The following AGBL4 variants were observed in gnomAD, a reference collection of about 807,000 sequenced individuals.
AGBL4 encodes AGBL carboxypeptidase 4.
Under a neutral mutation model 66.4 loss-of-function variants are expected in AGBL4, and 58 were observed. The ratio of observed to expected loss-of-function variants is 0.87; its 90% CI spans 0.71 to 1.09. The LOEUF is 1.09. Ranked by LOEUF, AGBL4 falls within the 50% of genes least tolerant of loss-of-function variation. AGBL4 has a pLI of 0.00. For missense variants in AGBL4, 579 were observed against 631.0 expected (o/e 0.92, Z 0.88); for synonymous variants, 234 against 222.9 (o/e 1.05, Z -0.44).
chr1:48,547,701 C>CT (rs1305279463), intron 11 of AGBL4, among the ~76,000 whole-genome samples: 1 of 152,138 alleles, frequency 6.6e-6, no homozygotes, highest in Middle Eastern at 3.2e-3. Context: ...CTGCTCAGGT[C>CT]TCCACCTCTT....
chr1:48,815,332 A>G (rs1482848645), intron 6 of AGBL4, among the ~76,000 whole-genome samples: 2 of 152,110 alleles, frequency 1.3e-5, no homozygotes, highest in African/African-American at 2.4e-5. Context: ...TTTCCCTTTC[A>G]TGTTTTCCTT....
At chr1:48,577,559 G>A (rs1468550653) in intron 11 of AGBL4, among the ~76,000 whole-genome samples, 1 of 152,196 alleles carries the variant, frequency 6.6e-6, no homozygotes, top group African/African-American at 2.4e-5. Flanking sequence ...AGGGAGGCTA[G>A]GGGAAGGTAA....
chr1:49,952,163 T>C (rs1466299358), intron 1 of AGBL4, among the ~76,000 whole-genome samples: 1 of 151,818 alleles, frequency 6.6e-6, no homozygotes, highest in Non-Finnish European at 1.5e-5. Flanking sequence ...TAAAAATAAA[T>C]GTATAACCCA....
chr1:49,567,069 C>T (rs922333503), intron 3 of AGBL4, among the ~76,000 whole-genome samples: 4 of 152,190 alleles, frequency 2.6e-5, no homozygotes, highest in Admixed American at 1.3e-4. Flanking sequence ...TAGCAATGAG[C>T]GAGGCTCCGT....
intron 3 of AGBL4, among the ~76,000 whole-genome samples, chr1:49,620,480 G>A (rs954405457): frequency 6.6e-6 from 1 of 152,144 alleles, no homozygotes; most frequent in Non-Finnish European, 1.5e-5. Flanking sequence ...AGATGCTAGA[G>A]GGGATGTGGA....
At chr1:49,900,333 C>T in intron 1 of AGBL4, among the ~76,000 whole-genome samples, 1 of 151,974 alleles carries the variant, frequency 6.6e-6, no homozygotes, top group Non-Finnish European at 1.5e-5. Context: ...ACAAACTCTG[C>T]CTCCCAGGTT....
At chr1:50,021,474 C>A (rs971713196) in intron 1 of AGBL4, among the ~76,000 whole-genome samples, 2 of 152,148 alleles carry the variant, frequency 1.3e-5, no homozygotes, top group African/African-American at 4.8e-5. Context: ...AATGATCTTT[C>A]CTCTCACACC....
intron 2 of AGBL4, among the ~76,000 whole-genome samples, chr1:49,764,267 T>C (rs1008061232): frequency 3.6e-4 from 54 of 152,048 alleles, no homozygotes; most frequent in African/African-American, 1.3e-3. Context: ...AAGCATGCCA[T>C]GTACCCCACA....
intron 9 of AGBL4, among the ~76,000 whole-genome samples, chr1:48,628,027 T>A (rs2148406259): frequency 6.6e-6 from 1 of 152,312 alleles, no homozygotes; most frequent in Middle Eastern, 3.4e-3. Context: ...GCAGCCTTAG[T>A]AATTTTCTAA....
intron 3 of AGBL4, among the ~76,000 whole-genome samples, chr1:49,469,403 T>G (rs1646695946): frequency 6.6e-6 from 1 of 151,878 alleles, no homozygotes; most frequent in Non-Finnish European, 1.5e-5. Context: ...TCCTTCAGTC[T>G]CCTTCCAATC....
chr1:49,859,261 C>T (rs1646510157), intron 1 of AGBL4, among the ~76,000 whole-genome samples: 1 of 152,162 alleles, frequency 6.6e-6, no homozygotes, highest in Admixed American at 6.5e-5. Context: ...GATGAAATTA[C>T]TAAGCAGATG....
At chr1:48,678,131 C>T (rs945037700) in intron 6 of AGBL4, among the ~76,000 whole-genome samples, 4 of 152,230 alleles carry the variant, frequency 2.6e-5, no homozygotes, top group Middle Eastern at 3.4e-3. Context: ...GGCAGCCTGA[C>T]AGCGCTAGGA....
intron 3 of AGBL4, among the ~76,000 whole-genome samples, chr1:49,449,432 C>T (rs1036935787): frequency 3.9e-5 from 6 of 152,084 alleles, no homozygotes; most frequent in African/African-American, 1.2e-4. Flanking sequence ...TAAAGCCTCA[C>T]TTGCTAGCTG....
intron 9 of AGBL4, among the ~76,000 whole-genome samples, chr1:48,618,407 A>G (rs1317925806): frequency 1.3e-5 from 2 of 152,186 alleles, no homozygotes; most frequent in Non-Finnish European, 2.9e-5. Flanking sequence ...AAATCCTGGG[A>G]ACCTGAGTTT....
chr1:49,738,741 G>C (rs1318498037), intron 2 of AGBL4, among the ~76,000 whole-genome samples: 1 of 152,194 alleles, frequency 6.6e-6, no homozygotes, highest in Non-Finnish European at 1.5e-5. Context: ...AACATTTGCT[G>C]TTCACCAATA....
At chr1:49,378,243 G>A (rs1570566235) in intron 3 of AGBL4, among the ~76,000 whole-genome samples, 1 of 152,216 alleles carries the variant, frequency 6.6e-6, no homozygotes. Context: ...GTTGCAGGAT[G>A]GGGGTTGGGG....
At chr1:48,979,634 T>G (rs1279613040) in intron 5 of AGBL4, among the ~76,000 whole-genome samples, 1 of 152,122 alleles carries the variant, frequency 6.6e-6, no homozygotes, top group East Asian at 1.9e-4. Context: ...CAAAGTGTTT[T>G]TTTTTAATTT....
intron 8 of AGBL4, among the ~76,000 whole-genome samples, chr1:48,643,337 C>G (rs1645787201): frequency 6.6e-6 from 1 of 152,290 alleles, no homozygotes; most frequent in African/African-American, 2.4e-5. Context: ...TACCCTCCAC[C>G]TACCCACTTA....
intron 1 of AGBL4, among the ~76,000 whole-genome samples, chr1:49,915,462 C>T (rs769200155): frequency 6.6e-6 from 1 of 151,994 alleles, no homozygotes; most frequent in Non-Finnish European, 1.5e-5. Context: ...TGGAGGGTCC[C>T]ACGCCCACCG....
Sources: allele counts gnomAD v4.1 joint callset (sites outside exome capture counted in the v4.1 genomes callset), GRCh38; gene constraint gnomAD v4.1.1; transcripts MANE v1.5; gene names NCBI Gene and HGNC (gene_info 2026-07-23, HGNC 2026-07-21).